Variants in OTOF observed in about 807,000 individuals in gnomAD.
OTOF encodes the protein otoferlin.
Under a neutral mutation model 236.8 loss-of-function variants are expected in OTOF, and 218 were observed. The observed-to-expected ratio is 0.92, with a 90% CI of 0.82 to 1.03. OTOF has a LOEUF of 1.03. Among genes scored for constraint, OTOF ranks in the 50% least tolerant of loss-of-function variants. The pLI, the probability that OTOF is intolerant of heterozygous loss-of-function variation, is 0.00. For missense variants in OTOF, 2,590 were observed against 2,694.4 expected, an observed-to-expected ratio of 0.96 and a Z score of 0.86; for synonymous variants, 1,041 against 1,072.5, an observed-to-expected ratio of 0.97 and a Z score of 0.57.
intron 5 of OTOF, among the ~76,000 whole-genome samples, chr2:26,506,161 G>T (rs1407968006): frequency 6.6e-6 from 1 of 152,148 alleles, no homozygotes. Flanking sequence ...GTTTTTGTGG[G>T]CCTCCTCGTG....
At chr2:26,512,095 CA>C (rs1666406180) in intron 5 of OTOF, among the ~76,000 whole-genome samples, 1 of 152,142 alleles carries the variant, frequency 6.6e-6, no homozygotes, top group African/African-American at 2.4e-5. Flanking sequence ...GCTCCTGCCC[CA>C]AACTCCTCCC....
chr2:26,472,972 T>C (rs1480988292), intron 29 of OTOF, among the ~76,000 whole-genome samples, 160 bp downstream of exon 29: 2 of 152,194 alleles, frequency 1.3e-5, no homozygotes, highest in Non-Finnish European at 2.9e-5. Context: ...TGGCGTCACC[T>C]TGGGCAGCCT....
Position 26,466,016 on chromosome 2 carries a change from G to A in OTOF, c.4561C>T (p.Leu1521=), listed in dbSNP as rs905144471. The A allele has an allele frequency of 1.9e-6, 3 of 1,614,264 alleles. No individual in the cohort carries two copies. The Admixed American group carries it at 5.0e-5, about 27-fold the overall frequency. Residue 1521 remains leucine, a synonymous_variant, in exon 37 of 47, where the codon CTA becomes TTA. Coordinates refer to ENST00000272371, the MANE Select transcript of OTOF (RefSeq NM_194248.3). The part of the protein sequence containing the change: ...GKADPYIAIR[L]GKTDIRDKEN... ...TTGTCGCGGATGTCAGTCTTGCCTA[G>A]CCGGATGGCGATGTAGGGGTCAGCT...
chr2:26,537,090 G>A (rs1667089719), intron 2 of OTOF, among the ~76,000 whole-genome samples: 1 of 152,216 alleles, frequency 6.6e-6, no homozygotes, highest in Non-Finnish European at 1.5e-5. Context: ...CCCAGCTGGA[G>A]TGAGGATTGA....
At chr2:26,538,699 C>A (rs1051199411) in intron 1 of OTOF, among the ~76,000 whole-genome samples, 1 of 152,086 alleles carries the variant, frequency 6.6e-6, no homozygotes, top group South Asian at 2.1e-4. Flanking sequence ...GGCCATGTCC[C>A]GGGGCCTCGG....
In OTOF at chr2:26,461,655, A is replaced by T. The variant is rs201576661; in HGVS notation, c.5533+41T>A. 6.2e-7 allele frequency: 1 copy of T among 1,611,456 alleles called. No homozygotes were observed. The highest frequency in any genetic ancestry group is 8.5e-7 in the Non-Finnish European group (1 of 1,179,874). ...GCCAACCCGGCCCCTGCCTCTTCTCAGTTCTGGATCCTGAACCCCCATCCC... is the reference window on the plus strand; with the variant it reads ...GCCAACCCGGCCCCTGCCTCTTCTCTGTTCTGGATCCTGAACCCCCATCCC... On this transcript the variant is annotated intron_variant, in intron 43 of 46. Transcript: ENST00000272371. This position sits in a 1 kb window ranked among gnomAD's most constrained non-coding sequence, Gnocchi z 6.2.
In OTOF at chr2:26,462,930, GAA is replaced by G. The variant is rs538323083; in HGVS notation, c.5192+551_5192+552del. Among the ~76,000 whole-genome samples the G allele has an allele frequency of 5.9e-5, 9 of 152,300 alleles. No homozygotes were observed. In the South Asian group the frequency reaches 1.9e-3, roughly 32 times the overall value. On this transcript the variant is annotated intron_variant, in intron 41 of 46. Coordinates refer to ENST00000272371, the MANE Select transcript of OTOF (RefSeq NM_194248.3). The surrounding 1 kb of genome is among the most constrained non-coding windows in gnomAD (Gnocchi z 4.7). ...CTTGAACCTGCCGCTTTATGGATGGGAAACCCGGGTTCTTTTCACTCTACCAC... is the reference window on the plus strand; with the variant it reads ...CTTGAACCTGCCGCTTTATGGATGGGACCCGGGTTCTTTTCACTCTACCAC...
intron 5 of OTOF, among the ~76,000 whole-genome samples, chr2:26,512,960 G>C (rs75383392): frequency 0.011 from 1,708 of 152,310 alleles, 31 homozygotes; most frequent in African/African-American, 0.039. Flanking sequence ...TGGAGCCTGT[G>C]CTCTGTCACA....
Position 26,467,236 on chromosome 2 carries a change from G to A in OTOF, c.4228-3C>T, listed in dbSNP as rs1404342520. 1.2e-6 allele frequency: 2 copies of A among 1,614,024 alleles called. No individual in the cohort carries two copies. The highest frequency in any genetic ancestry group is 1.7e-6 in the Non-Finnish European group (2 of 1,180,034). On this transcript the variant is annotated splice_region_variant and splice_polypyrimidine_tract_variant and intron_variant, in intron 34 of 46. Coordinates refer to ENST00000272371, the MANE Select transcript of OTOF (RefSeq NM_194248.3). The stretch of plus-strand genomic sequence containing the variant: ...GACTCCAGCTCTTTGGGGTATACCT[G>A]AGACAGACCAGGCTGTTAGGGGGCG...
chr2:26,489,107 C>A (rs187791564), intron 11 of OTOF, 104 bp downstream of exon 11: 54 of 836,234 alleles, frequency 6.5e-5, no homozygotes, highest in Non-Finnish European at 8.5e-5. Context: ...GACTGTGGTC[C>A]TTGCCAGCCT....
At chr2:26,525,605 G>C (rs1666781565) in intron 3 of OTOF, among the ~76,000 whole-genome samples, 1 of 152,178 alleles carries the variant, frequency 6.6e-6, no homozygotes, top group African/African-American at 2.4e-5. Flanking sequence ...GTGTCTGACT[G>C]GCAGAAAGCA....
rs565055642 is a variant in OTOF, at chr2:26,558,671, C to T, written c.-100G>A. 7.0e-6 allele frequency: 7 copies of T among 998,656 alleles called. No individual in the cohort carries two copies. In the East Asian group the frequency reaches 1.3e-4, roughly 18 times the overall value. 61.9% of individuals were successfully genotyped at this position (998,656 alleles called of 1,614,324 possible). A position where few individuals can be genotyped will look rare whatever the true frequency, so the allele number is the denominator to read the frequency against. On this transcript the variant is annotated 5_prime_UTR_variant, in exon 1 of 47. Coordinates refer to ENST00000272371, the MANE Select transcript of OTOF (RefSeq NM_194248.3). ...CCTCTCTCTTCTCTGCCGCTGCCTCCTCCTCCTCCTCCCGACCCCCCTCCG... is the reference window on the plus strand; with the variant it reads ...CCTCTCTCTTCTCTGCCGCTGCCTCTTCCTCCTCCTCCCGACCCCCCTCCG...
intron 39 of OTOF, 99 bp downstream of exon 39, chr2:26,464,770 C>T (rs1436874280): frequency 1.6e-6 from 2 of 1,233,014 alleles, no homozygotes; most frequent in Non-Finnish European, 2.3e-6. Flanking sequence ...GAGGACACCC[C>T]AGGCTAGGCT....
chr2:26,511,325 G>T (rs917309803), intron 5 of OTOF, among the ~76,000 whole-genome samples: 1 of 152,102 alleles, frequency 6.6e-6, no homozygotes, highest in Non-Finnish European at 1.5e-5. Context: ...GTGTAGGTGG[G>T]GCGGTAAGTG....
chr2:26,480,681 C>A, intron 15 of OTOF, 105 bp downstream of exon 15: 1 of 927,802 alleles, frequency 1.1e-6, no homozygotes, highest in Non-Finnish European at 1.7e-6. Context: ...TATGACTCCT[C>A]AGGTAGACAG....
At chr2:26,492,549 CTG>C (rs1171466592) in intron 9 of OTOF, among the ~76,000 whole-genome samples, 3 of 152,206 alleles carry the variant, frequency 2.0e-5, no homozygotes, top group African/African-American at 4.8e-5. Context: ...AGGGCGGAAA[CTG>C]TGCCTCCTTC....
At position 26,552,083 on chromosome 2, in the gene OTOF, T is replaced by C. The variant is rs1208320479; in HGVS notation, c.79+6410A>G. On this transcript the variant is annotated intron_variant, in intron 1 of 46. Transcript: ENST00000272371. ...ATGTATTTGAGAGTTTTTTTATATATAAAAAGTTAAAAAAAAAAAAAAAAG... is the reference window on the plus strand; with the variant it reads ...ATGTATTTGAGAGTTTTTTTATATACAAAAAGTTAAAAAAAAAAAAAAAAG... Among the ~76,000 whole-genome samples the C allele has an allele frequency of 1.0e-4, 4 of 39,492 alleles. No individual in the cohort carries two copies. The Admixed American group carries it at 1.5e-3, about 15-fold the overall frequency. 25.9% of individuals were successfully genotyped at this position (39,492 alleles called of 152,430 possible).
chr2:26,504,289 G>C (rs1666194792), intron 5 of OTOF, among the ~76,000 whole-genome samples: 2 of 152,214 alleles, frequency 1.3e-5, no homozygotes, highest in Non-Finnish European at 2.9e-5. Flanking sequence ...ACTGGAGACA[G>C]AGCATCAGAA....
chr2:26,480,638 C>G, intron 15 of OTOF, 148 bp downstream of exon 15: 1 of 704,896 alleles, frequency 1.4e-6, no homozygotes, highest in Admixed American at 2.1e-5. Context: ...GAGTGGGGGC[C>G]TCTGCTTCCT....
Sources: allele counts gnomAD v4.1 joint callset (sites outside exome capture counted in the v4.1 genomes callset), GRCh38; gene constraint gnomAD v4.1.1; non-coding constraint Gnocchi (gnomAD v3.1); transcripts MANE v1.5; gene names NCBI Gene and HGNC (gene_info 2026-07-23, HGNC 2026-07-21).